COL5A2: variants seen among roughly 807,000 people sequenced by gnomAD.
COL5A2 encodes collagen alpha-2(V) chain.
COL5A2 carries 23 observed loss-of-function variants against 208.2 expected under a neutral mutation model. The observed-to-expected ratio is 0.11, with a 90% CI of 0.08 to 0.16. The LOEUF (loss-of-function observed/expected upper bound fraction) is 0.16. Among genes scored for constraint, COL5A2 ranks in the 10% least tolerant of loss-of-function variants. The pLI is 1.00. For synonymous variants in COL5A2, 625 were observed against 628.5 expected (o/e 0.99, Z 0.08); for missense variants, 1,590 against 1,956.4 (o/e 0.81, Z 3.53).
rs1328177067 is a variant in COL5A2, at chr2:189,039,372, G to T, written c.3825C>A (p.Leu1275=). 1 of 1,614,006 alleles carries T rather than the reference G, an allele frequency of 6.2e-7. No individual in the cohort carries two copies. The highest frequency in any genetic ancestry group is 8.5e-7 in the Non-Finnish European group (1 of 1,180,004). ...TGCGCATGGTTTCAATCTGACTACT[G>T]AGTGACTTCAGGGTAGCATGAACCC... ...DPGVHATLKS[L]SSQIETMRSP... is the part of the protein sequence containing the mutation. Residue 1275 remains leucine (L), a synonymous_variant, in exon 51 of 54, where the codon CTC becomes CTA. Coordinates refer to ENST00000374866, the MANE Select transcript of COL5A2 (RefSeq NM_000393.5).
chr2:189,218,427 T>C (rs1342700452), intron 1 of COL5A2, among the ~76,000 whole-genome samples: 1 of 152,088 alleles, frequency 6.6e-6, no homozygotes, highest in East Asian at 1.9e-4. Context: ...AAACGGTTAC[T>C]AGGAGCCAAC....
chr2:189,103,330 T>A (rs970416214), intron 3 of COL5A2, among the ~76,000 whole-genome samples: 1 of 152,106 alleles, frequency 6.6e-6, no homozygotes, highest in Admixed American at 6.6e-5. Context: ...TGAATCAAAA[T>A]GTGTAAAACT....
chr2:189,323,256 G>T, the COL5A2 span, among the ~76,000 whole-genome samples: 615 of 152,180 alleles, frequency 4.0e-3, 7 homozygotes, highest in African/African-American at 0.014. Flanking sequence ...TTTGAAAACT[G>T]GCACAAGACA....
intron 1 of COL5A2, among the ~76,000 whole-genome samples, chr2:189,123,742 C>T (rs1687554897): frequency 6.6e-6 from 1 of 152,128 alleles, no homozygotes; most frequent in Non-Finnish European, 1.5e-5. Context: ...ATATTAATGG[C>T]AGCTATTAAT....
At chr2:189,309,417 A>G in the COL5A2 span, among the ~76,000 whole-genome samples, 3 of 152,168 alleles carry the variant, frequency 2.0e-5, no homozygotes, top group Non-Finnish European at 4.4e-5. Context: ...GCATGCGTAC[A>G]ACTCCAGTAA....
rs1171565895 is a variant in COL5A2, at chr2:189,035,064, G to A, written c.4205C>T (p.Thr1402Ile). 1.2e-6 allele frequency: 2 copies of A among 1,613,912 alleles called. No homozygotes were observed. Among genetic ancestry groups the A allele is most frequent in the Non-Finnish European group, 8.5e-7 (1 of 1,179,902 alleles). Residue 1402 changes from threonine (T) to isoleucine (I), a missense_variant, in exon 53 of 54, where the codon ACT (threonine) becomes ATT (isoleucine). By Grantham distance (89) the Thr-to-Ile change is moderately conservative. Transcript: ENST00000374866. ...TCCTACACTGTTTTTACAGATGTAA[G>A]TGATGTTCTGGGAGGCTTCTTTTGA... Reference protein sequence around the residue: ...LLSKEASQNITYICKNSVGYM... With the variant: ...LLSKEASQNIIYICKNSVGYM...
chr2:189,112,033 T>C (rs1428372200), intron 1 of COL5A2, among the ~76,000 whole-genome samples: 2 of 152,066 alleles, frequency 1.3e-5, no homozygotes, highest in African/African-American at 4.8e-5. Context: ...GCCCAGCGAA[T>C]TTTTGTTTTA....
At chr2:189,087,715 C>T (rs1686694864) in intron 8 of COL5A2, among the ~76,000 whole-genome samples, 1 of 150,176 alleles carries the variant, frequency 6.7e-6, no homozygotes. Context: ...GATCCGTCTG[C>T]CATGGCCTCC....
At chr2:189,161,464 G>A (rs948353877) in intron 1 of COL5A2, among the ~76,000 whole-genome samples, 10 of 152,150 alleles carry the variant, frequency 6.6e-5, no homozygotes, top group African/African-American at 2.4e-4. Flanking sequence ...GTGCTTTGAT[G>A]TACATATTTT....
chr2:189,138,971 A>G (rs1224715564), intron 1 of COL5A2, among the ~76,000 whole-genome samples: 4 of 152,204 alleles, frequency 2.6e-5, no homozygotes, highest in Non-Finnish European at 5.9e-5. Flanking sequence ...CCACCCTTTA[A>G]AAGTTGAAGA....
At chr2:189,292,908 G>A in the COL5A2 span, among the ~76,000 whole-genome samples, 3 of 152,032 alleles carry the variant, frequency 2.0e-5, no homozygotes, top group Admixed American at 6.6e-5. Context: ...TATACACCAT[G>A]GAATACTATG....
At chr2:189,343,927 A>G in the COL5A2 span, among the ~76,000 whole-genome samples, 1 of 152,320 alleles carries the variant, frequency 6.6e-6, no homozygotes, top group South Asian at 2.1e-4. Context: ...TGACAACTCC[A>G]AAGACATTTC....
At chr2:189,385,125 A>G in the COL5A2 span, among the ~76,000 whole-genome samples, 1 of 152,100 alleles carries the variant, frequency 6.6e-6, no homozygotes, top group African/African-American at 2.4e-5. Context: ...GATTTCTTAT[A>G]TTGAACTAAC....
the COL5A2 span, among the ~76,000 whole-genome samples, chr2:189,278,372 G>C: frequency 6.6e-6 from 1 of 152,018 alleles, no homozygotes; most frequent in African/African-American, 2.4e-5. Context: ...ATAGTGAATG[G>C]CATTACCTTC....
intron 1 of COL5A2, among the ~76,000 whole-genome samples, chr2:189,203,760 T>C (rs1199421743): frequency 1.3e-5 from 2 of 152,222 alleles, no homozygotes; most frequent in Non-Finnish European, 2.9e-5. Context: ...TAGTTACATA[T>C]GTGTGAAAAT....
chr2:189,226,532 T>C (rs1310234579), upstream of COL5A2, among the ~76,000 whole-genome samples: 6 of 152,140 alleles, frequency 3.9e-5, no homozygotes, highest in African/African-American at 1.4e-4. Flanking sequence ...AGTTTTGGAT[T>C]CGATTCTCCC....
the COL5A2 span, among the ~76,000 whole-genome samples, chr2:189,386,445 A>C: frequency 6.6e-6 from 1 of 152,190 alleles, no homozygotes; most frequent in Non-Finnish European, 1.5e-5. Context: ...CTAAGTCCCC[A>C]AAAGCAACTG....
the COL5A2 span, among the ~76,000 whole-genome samples, chr2:189,405,361 A>G: frequency 8.2e-4 from 124 of 152,018 alleles, no homozygotes; most frequent in South Asian, 0.024. Context: ...CCTCCTGAAC[A>G]TCTGGGATTA....
At chr2:189,045,344 G>T in intron 46 of COL5A2, 112 bp from the exon 47 acceptor site, 1 of 563,296 alleles carries the variant, frequency 1.8e-6, no homozygotes, top group East Asian at 3.1e-5. Flanking sequence ...ATATATATGT[G>T]TGTGTGTGTG....
Sources: gnomAD v4.1 joint callset for allele counts (sites outside exome capture counted in the v4.1 genomes callset) on GRCh38, gnomAD v4.1.1 for gene constraint, MANE v1.5 for transcripts, NCBI Gene and HGNC (gene_info 2026-07-23, HGNC 2026-07-21) for gene names.